Variants in KIF1A observed in about 807,000 individuals in gnomAD.
KIF1A encodes the protein kinesin-like protein KIF1A.
Under a neutral mutation model 227.3 loss-of-function variants are expected in KIF1A, and 46 were observed. That is an observed-to-expected ratio of 0.20 (90% CI 0.16 to 0.26). The LOEUF is 0.26. Ranked by LOEUF, KIF1A falls within the 10% of genes least tolerant of loss-of-function variation. The pLI is 1.00. For synonymous variants in KIF1A, 1,022 were observed against 1,012.8 expected (o/e 1.01, Z -0.17); for missense variants, 1,683 against 2,485.9 (o/e 0.68, Z 6.87).
At chr2:240,813,039 A>ACCTCGGGGATCAGC (rs1283704719) in intron 1 of KIF1A, among the ~76,000 whole-genome samples, 1 of 98,648 alleles carries the variant, frequency 1.0e-5, no homozygotes, top group African/African-American at 3.6e-5. Context: ...TCAAGGATCC[A>ACCTCGGGGATCAGC]CTTGCTCCCA....
At chr2:240,816,104 G>A (rs2058295688) in intron 1 of KIF1A, among the ~76,000 whole-genome samples, 1 of 151,952 alleles carries the variant, frequency 6.6e-6, no homozygotes, top group Non-Finnish European at 1.5e-5. Context: ...AGAAAGTATT[G>A]AGAAGAAACC....
chr2:240,770,994 C>T lies in KIF1A; in HGVS notation c.1318G>A (p.Glu440Lys). 10 of 1,612,250 alleles carry T rather than the reference C, an allele frequency of 6.2e-6. No homozygotes were observed. The highest frequency in any genetic ancestry group is 7.6e-6 in the Non-Finnish European group (9 of 1,179,840). The change falls in exon 15 of 49, where the codon GAG becomes AAG. Residue 440 changes from glutamate (E) to lysine (K), a missense_variant. Coordinates refer to ENST00000498729, the MANE Select transcript of KIF1A (RefSeq NM_001244008.2). ...ACCTTCAGTCTTTCAATGGCCTCCT[C>T]GCTGCCCGGGGCAAACAAGATGCGC... ...HERILFAPGS[E>K]EAIERLKETE...
chr2:240,720,204 C>T (rs986022539), intron 45 of KIF1A: 54 of 340,282 alleles, frequency 1.6e-4, no homozygotes, highest in South Asian at 9.4e-4. Flanking sequence ...GCCCTTCTCC[C>T]AGTGGCTCTC....
At chr2:240,729,356 C>T (rs1327527659) in intron 38 of KIF1A, among the ~76,000 whole-genome samples, 1 of 152,148 alleles carries the variant, frequency 6.6e-6, no homozygotes, top group South Asian at 2.1e-4. Flanking sequence ...CACCCCTGGG[C>T]CCCAGGATCA....
In KIF1A at chr2:240,720,953, G is replaced by A. The variant is rs745872716; in HGVS notation, c.4829C>T (p.Pro1610Leu). 1.3e-6 allele frequency: 2 copies of A among 1,598,026 alleles called. No homozygotes were observed. The highest frequency in any genetic ancestry group is 1.7e-6 in the Non-Finnish European group (2 of 1,172,794). The stretch of plus-strand genomic sequence containing the variant: ...ACCGTACCGCCCTTCAACCAGAGAG[G>A]GGCAAGTGGAGGAGGGGGTGAGAGT... ...VATLTPSSTCPSLVEGRYGAT... is the reference protein window; with the variant it reads ...VATLTPSSTCLSLVEGRYGAT... Residue 1610 changes from proline to leucine, a missense_variant, in exon 45 of 49, where the codon CCC (proline) becomes CTC (leucine). By Grantham distance (98) the Pro-to-Leu change is moderately conservative. Coordinates refer to ENST00000498729, the MANE Select transcript of KIF1A (RefSeq NM_001244008.2).
chr2:240,799,076 C>T (rs1172514791), intron 1 of KIF1A, among the ~76,000 whole-genome samples: 1 of 152,222 alleles, frequency 6.6e-6, no homozygotes, highest in Non-Finnish European at 1.5e-5. Flanking sequence ...GTGCCCCAGC[C>T]TCATAGCTGT....
intron 32 of KIF1A, among the ~76,000 whole-genome samples, chr2:240,744,305 G>T (rs1437937553): frequency 6.6e-6 from 1 of 152,178 alleles, no homozygotes; most frequent in Non-Finnish European, 1.5e-5. Context: ...CAGGGGCCGC[G>T]TGGCTCAGCT....
intron 38 of KIF1A, chr2:240,734,804 G>A: frequency 7.9e-7 from 1 of 1,269,054 alleles, no homozygotes; most frequent in Non-Finnish European, 1.0e-6. Context: ...CGGGAGCGGG[G>A]TGGGGGACAG....
At position 240,763,314 on chromosome 2, in the gene KIF1A, A is replaced by G. The variant is rs781637023; in HGVS notation, c.1801T>C (p.Phe601Leu). 6.3e-7 allele frequency: 1 copy of G among 1,595,436 alleles called. No individual in the cohort carries two copies. Among genetic ancestry groups the G allele is most frequent in the Non-Finnish European group, 8.5e-7 (1 of 1,171,304 alleles). The change falls in exon 21 of 49, where the codon TTC becomes CTC. Residue 601 changes from phenylalanine to leucine, a missense_variant. Physicochemically the swap from Phe to Leu is conservative, Grantham distance 22. This residue lies in a region of KIF1A where 217 missense variants were observed against 427.0 expected (regional missense o/e 0.51). Coordinates refer to ENST00000498729, the MANE Select transcript of KIF1A (RefSeq NM_001244008.2). Reference sequence around the variant, plus strand: ...GCCTGCTCGGGGTGGTTGAACCGGAACACATGGCTCTTACCCATGATGATG... The same window carrying G: ...GCCTGCTCGGGGTGGTTGAACCGGAGCACATGGCTCTTACCCATGATGATG... Reference protein sequence around the residue: ...NRIIMGKSHVFRFNHPEQARQ... With the variant: ...NRIIMGKSHVLRFNHPEQARQ...
chr2:240,794,460 C>A (rs1382185652), intron 2 of KIF1A, among the ~76,000 whole-genome samples: 1 of 152,230 alleles, frequency 6.6e-6, no homozygotes, highest in African/African-American at 2.4e-5. Flanking sequence ...CACTCTTGGG[C>A]TCCGTGCTGA....
At chr2:240,761,109 G>T in intron 24 of KIF1A, 120 bp downstream of exon 24, 1 of 1,242,800 alleles carries the variant, frequency 8.0e-7, no homozygotes, top group Non-Finnish European at 1.1e-6. Flanking sequence ...AGGCAGGGCT[G>T]CTATGCCACC....
Position 240,790,173 on chromosome 2 carries a change from C to G in KIF1A, c.107-861G>C, listed in dbSNP as rs1158292507. ...TGCATGTCCTCAGTGGCCGGAAGGA[C>G]AGGACCCGCTGCCCCCTGGAACACT... On this transcript the variant is annotated intron_variant, in intron 2 of 48. Transcript: ENST00000498729. This position sits in a 1 kb window ranked among gnomAD's most constrained non-coding sequence, Gnocchi z 5.0. 6.6e-6 allele frequency among the ~76,000 whole-genome samples: 1 copy of G among 152,202 alleles called. No homozygotes were observed. Among genetic ancestry groups the G allele is most frequent in the Non-Finnish European group, 1.5e-5 (1 of 68,038 alleles).
At chr2:240,819,854 C>G (rs2058604227) in intron 1 of KIF1A, among the ~76,000 whole-genome samples, 3 of 152,192 alleles carry the variant, frequency 2.0e-5, no homozygotes, top group Admixed American at 2.0e-4. Flanking sequence ...CCGCTGCAGC[C>G]GAGATCGCGG....
intron 29 of KIF1A, among the ~76,000 whole-genome samples, chr2:240,746,851 A>G (rs1416374951): frequency 6.6e-6 from 1 of 152,140 alleles, no homozygotes; most frequent in African/African-American, 2.4e-5. Flanking sequence ...CAGGCGAAGG[A>G]GCAGGCGAAG....
intron 2 of KIF1A, among the ~76,000 whole-genome samples, chr2:240,796,400 CGGGCCCCGGCAAGGCCA>C (rs1559537801): frequency 1.3e-5 from 2 of 152,196 alleles, no homozygotes; most frequent in East Asian, 1.9e-4. Context: ...TGTTCATCCA[CGGGCCCCGGCAAGGCCA>C]GGGCCCCGGC....
At chr2:240,723,773 C>G (rs2045677615) in intron 41 of KIF1A, among the ~76,000 whole-genome samples, 1 of 152,208 alleles carries the variant, frequency 6.6e-6, no homozygotes, top group Non-Finnish European at 1.5e-5. Context: ...CGGCTGTGCC[C>G]TGGGAACCCA....
chr2:240,789,801 ACTCCAGACAGAGCT>A lies in KIF1A; in HGVS notation c.107-503_107-490del, dbSNP rs1428179141. 6.6e-6 allele frequency among the ~76,000 whole-genome samples: 1 copy of A among 150,910 alleles called. No individual in the cohort carries two copies. Among genetic ancestry groups the A allele is most frequent in the African/African-American group, 2.4e-5 (1 of 40,894 alleles). On this transcript the variant is annotated intron_variant, in intron 2 of 48. Transcript: ENST00000498729. This position sits in a 1 kb window ranked among gnomAD's most constrained non-coding sequence, Gnocchi z 4.8. Reference sequence around the variant, plus strand: ...CCTGTGCGGTTCTTCTAGGCTTGCTACTCCAGACAGAGCTCTATGGGACTGTCTTCTGCCAGAGT... The same window carrying A: ...CCTGTGCGGTTCTTCTAGGCTTGCTACTATGGGACTGTCTTCTGCCAGAGT...
rs545734351 is a variant in KIF1A, at chr2:240,801,577, G to A, written c.-60-3765C>T. Reference sequence around the variant, plus strand: ...TGGGGGTGCCATGGTCTGAATGTTTGTGTCCCCTGTTCCCATCCAAATTCT... The same window carrying A: ...TGGGGGTGCCATGGTCTGAATGTTTATGTCCCCTGTTCCCATCCAAATTCT... On this transcript the variant is annotated intron_variant, in intron 1 of 48. Coordinates refer to ENST00000498729, the MANE Select transcript of KIF1A (RefSeq NM_001244008.2). Among the ~76,000 whole-genome samples the A allele has an allele frequency of 5.9e-5, 9 of 152,300 alleles. No individual in the cohort carries two copies. The South Asian group carries it at 1.9e-3, about 32-fold the overall frequency.
chr2:240,797,258 A>G (rs1352103994), intron 2 of KIF1A, among the ~76,000 whole-genome samples: 1 of 152,210 alleles, frequency 6.6e-6, no homozygotes, highest in Non-Finnish European at 1.5e-5. Flanking sequence ...ATGAAAGCAG[A>G]GACACAGACA....
Sources: gnomAD v4.1 joint callset for allele counts (sites outside exome capture counted in the v4.1 genomes callset) on GRCh38, gnomAD v4.1.1 for gene constraint, gnomAD v4.1.1 regional missense constraint, Gnocchi (gnomAD v3.1) non-coding constraint, MANE v1.5 for transcripts, NCBI Gene and HGNC (gene_info 2026-07-23, HGNC 2026-07-21) for gene names.